The following KIAA0586 variants were observed in gnomAD, a reference collection of about 807,000 sequenced individuals.
KIAA0586 encodes the protein KIAA0586.
KIAA0586 carries 144 observed loss-of-function variants against 169.8 expected under a neutral mutation model. That is an observed-to-expected ratio of 0.85 (90% CI 0.74 to 0.97). The LOEUF is 0.97. KIAA0586 is among the 50% of genes least tolerant of loss of function. The probability of loss-of-function intolerance (pLI) is 0.00; values close to 1 mark genes in which losing one functional copy is unlikely to be tolerated. For missense variants in KIAA0586, 1,854 were observed against 1,823.0 expected (o/e 1.02, Z -0.31); for synonymous variants, 625 against 612.4 (o/e 1.02, Z -0.30).
chr14:58,451,796 G>C (rs1241976157), intron 8 of KIAA0586, among the ~76,000 whole-genome samples: 1 of 151,638 alleles, frequency 6.6e-6, no homozygotes, highest in Non-Finnish European at 1.5e-5. Flanking sequence ...CGATTCTCCT[G>C]CGTCAGCCTC....
intron 9 of KIAA0586, among the ~76,000 whole-genome samples, chr14:58,455,221 T>G (rs2039718452): frequency 9.1e-6 from 1 of 110,282 alleles, no homozygotes; most frequent in African/African-American, 3.4e-5. Flanking sequence ...CATTCTATAT[T>G]TGGCAAGACT....
rs564850874 is a variant in KIAA0586 at position 58,460,394 on chromosome 14, C to T, written c.1884+324C>T. ...TTATGGTACTCAAAATTTTCATTTG[C>T]GTGTGTGTATATAGTTTATTTTTCA... On this transcript the variant is annotated intron_variant, in intron 13 of 30. Transcript: ENST00000652326. Among the ~76,000 whole-genome samples, 8 of 151,956 alleles carry T rather than the reference C, an allele frequency of 5.3e-5. No individual in the cohort carries two copies. In the South Asian group the frequency reaches 1.5e-3, roughly 28 times the overall value.
chr14:58,551,340 A>G (rs971192026), downstream of KIAA0586: 1 of 152,232 alleles, frequency 6.6e-6, no homozygotes, highest in African/African-American at 2.4e-5. Context: ...TGGTTCCTTG[A>G]TAACTTTAAA....
chr14:58,500,808 A>G (rs1412698127), intron 27 of KIAA0586, among the ~76,000 whole-genome samples: 3 of 151,966 alleles, frequency 2.0e-5, no homozygotes, highest in East Asian at 1.9e-4. Context: ...AAAAAAGGGG[A>G]TGAAATCTGA....
In KIAA0586 at chr14:58,459,846, G is replaced by A. The variant is rs1009933793; in HGVS notation, c.1660G>A (p.Glu554Lys). The change falls in exon 13 of 31, where the codon GAA becomes AAA. Residue 554 changes from glutamate to lysine, a missense_variant. By Grantham distance (56) the Glu-to-Lys change is moderately conservative. Coordinates refer to ENST00000652326, the MANE Select transcript of KIAA0586 (RefSeq NM_001329943.3). ...TTTTAACTTTGGTTATGTTAAGGAT[G>A]AACTGTCAAGAACAGATTATGAACA... ...IKTISAEIQDELSRTDYEQKR... is the reference protein window; with the variant it reads ...IKTISAEIQDKLSRTDYEQKR... 2.1e-5 allele frequency: 31 copies of A among 1,500,704 alleles called. No homozygotes were observed. The highest frequency in any genetic ancestry group is 2.7e-5 in the Non-Finnish European group (30 of 1,126,574). The allele number at this position is 1,500,704 out of a possible 1,614,324, so 93.0% of individuals were successfully genotyped here.
At chr14:58,525,904 G>A (rs889720445) in intron 29 of KIAA0586, among the ~76,000 whole-genome samples, 20 of 152,204 alleles carry the variant, frequency 1.3e-4, no homozygotes, top group African/African-American at 4.8e-4. Flanking sequence ...ACTGAGGCTT[G>A]AGTAGGCGGT....
intron 20 of KIAA0586, among the ~76,000 whole-genome samples, chr14:58,482,139 GT>G (rs2042072007): frequency 6.6e-6 from 1 of 151,588 alleles, no homozygotes; most frequent in South Asian, 2.1e-4. Context: ...AAGAATGAAA[GT>G]TCGGCCCAGG....
intron 26 of KIAA0586, among the ~76,000 whole-genome samples, chr14:58,495,887 A>G (rs548028294): frequency 1.3e-5 from 2 of 152,170 alleles, no homozygotes; most frequent in South Asian, 2.1e-4. Context: ...GCTCAAAGAT[A>G]TAAGCATTCA....
At chr14:58,544,328 A>G (rs2046850411) in intron 30 of KIAA0586, among the ~76,000 whole-genome samples, 1 of 152,118 alleles carries the variant, frequency 6.6e-6, no homozygotes, top group South Asian at 2.1e-4. Flanking sequence ...CGCAGTGAAC[A>G]TTTGCATATA....
intron 29 of KIAA0586, among the ~76,000 whole-genome samples, chr14:58,517,009 TC>T (rs1326830443): frequency 5.9e-5 from 9 of 152,150 alleles, no homozygotes; most frequent in African/African-American, 2.2e-4. Flanking sequence ...GGATCATAGA[TC>T]TAAATGTAAA....
intron 21 of KIAA0586, among the ~76,000 whole-genome samples, chr14:58,483,475 A>AC (rs1425613570): frequency 3.3e-5 from 5 of 151,730 alleles, no homozygotes; most frequent in South Asian, 2.1e-4. Flanking sequence ...CCATTATCAC[A>AC]CCCCCCCAGA....
chr14:58,441,731 T>G (rs1425023098), intron 4 of KIAA0586: 1 of 152,346 alleles, frequency 6.6e-6, no homozygotes, highest in Non-Finnish European at 1.5e-5. Context: ...CTGCCCAGAT[T>G]CAAGTGATTC....
intron 29 of KIAA0586, among the ~76,000 whole-genome samples, chr14:58,523,597 T>G (rs2045369788): frequency 6.6e-6 from 1 of 152,038 alleles, no homozygotes; most frequent in Admixed American, 6.6e-5. Context: ...TTGATAAAAA[T>G]CTTTACATTT....
intron 27 of KIAA0586, among the ~76,000 whole-genome samples, chr14:58,503,987 C>T (rs1027621718): frequency 6.6e-6 from 1 of 152,146 alleles, no homozygotes; most frequent in Non-Finnish European, 1.5e-5. Context: ...GAAATAATAA[C>T]AGTCTTACTT....
At chr14:58,553,993 G>A (rs1198070718), downstream of KIAA0586, among the ~76,000 whole-genome samples, 1 of 152,160 alleles carries the variant, frequency 6.6e-6, no homozygotes, top group Non-Finnish European at 1.5e-5. Flanking sequence ...ATTGATAGTT[G>A]ATGGCCTCAC....
At chr14:58,532,826 T>A (rs2046065331) in intron 29 of KIAA0586, among the ~76,000 whole-genome samples, 2 of 152,226 alleles carry the variant, frequency 1.3e-5, no homozygotes, top group African/African-American at 4.8e-5. Context: ...TGAATTATTT[T>A]AAGCTCGAAT....
At chr14:58,541,437 G>T (rs1166118270) in intron 30 of KIAA0586, among the ~76,000 whole-genome samples, 1 of 152,160 alleles carries the variant, frequency 6.6e-6, no homozygotes, top group East Asian at 1.9e-4. Flanking sequence ...GACTGTCCAT[G>T]CCCTTAAGGA....
chr14:58,546,475 G>A (rs1273366264), intron 30 of KIAA0586, among the ~76,000 whole-genome samples: 2 of 152,018 alleles, frequency 1.3e-5, no homozygotes. Flanking sequence ...AACATAAAGG[G>A]ATTTTAGAAA....
At chr14:58,507,748 T>G (rs985863622) in intron 27 of KIAA0586, among the ~76,000 whole-genome samples, 1 of 149,502 alleles carries the variant, frequency 6.7e-6, no homozygotes, top group African/African-American at 2.5e-5. Flanking sequence ...TGTCTTCTTT[T>G]TACTGATTTG....
Sources: gnomAD v4.1 joint callset for allele counts (sites outside exome capture counted in the v4.1 genomes callset) on GRCh38, gnomAD v4.1.1 for gene constraint, MANE v1.5 for transcripts, NCBI Gene and HGNC (gene_info 2026-07-23, HGNC 2026-07-21) for gene names.